The following PTPRE variants were observed in gnomAD, a reference collection of about 807,000 sequenced individuals.
PTPRE encodes protein tyrosine phosphatase receptor type E, also known as receptor-type tyrosine-protein phosphatase epsilon.
In PTPRE, 51 loss-of-function variants were observed where a neutral mutation model predicts 102.0. That is an observed-to-expected ratio of 0.50 (90% CI 0.40 to 0.63). The LOEUF is 0.63. Among genes scored for constraint, PTPRE ranks in the 30% least tolerant of loss-of-function variants. The pLI is 0.00. For missense variants in PTPRE, 752 were observed against 915.1 expected (o/e 0.82, Z 2.30); for synonymous variants, 345 against 348.2 (o/e 0.99, Z 0.10).
At chr10:127,988,998 C>T (rs747378007) in intron 2 of PTPRE, among the ~76,000 whole-genome samples, 1 of 151,988 alleles carries the variant, frequency 6.6e-6, no homozygotes, top group Non-Finnish European at 1.5e-5. Context: ...AGCAAAAAAA[C>T]GAAAACTGGA....
chr10:127,934,934 G>A (rs1449699699), intron 1 of PTPRE: 1 of 152,374 alleles, frequency 6.6e-6, no homozygotes, highest in African/African-American at 2.4e-5. Flanking sequence ...AGCCTGTGAA[G>A]AAAGGGCTGC....
In PTPRE at chr10:128,008,654, G is replaced by A. The variant is rs560391534; in HGVS notation, c.-8+26358G>A. Among the ~76,000 whole-genome samples, 8 of 152,282 alleles carry A rather than the reference G, an allele frequency of 5.3e-5. 1 individual carries two copies. The highest frequency in any genetic ancestry group is 1.3e-4 in the Admixed American group (2 of 15,298). On this transcript the variant is annotated intron_variant, in intron 2 of 20. Coordinates refer to ENST00000254667, the MANE Select transcript of PTPRE (RefSeq NM_006504.6). This position sits in a 1 kb window ranked among gnomAD's most constrained non-coding sequence, Gnocchi z 4.0. ...GTCTTTCTCAACTCCTGCAAGTCAC[G>A]TCTTCCCAGAATCTACTGTGGTAAT...
At chr10:127,994,571 G>T (rs1163436629) in intron 2 of PTPRE, among the ~76,000 whole-genome samples, 1 of 152,174 alleles carries the variant, frequency 6.6e-6, no homozygotes, top group Non-Finnish European at 1.5e-5. Flanking sequence ...ACGTGACTTT[G>T]TATCCTTTTA....
At chr10:127,910,860 G>C (rs1329664533) in intron 1 of PTPRE, among the ~76,000 whole-genome samples, 1 of 152,080 alleles carries the variant, frequency 6.6e-6, no homozygotes, top group African/African-American at 2.4e-5. Flanking sequence ...GAAGCACGCA[G>C]ATCACTTGAG....
chr10:128,051,129 C>G (rs1848532901), intron 6 of PTPRE, among the ~76,000 whole-genome samples: 2 of 152,176 alleles, frequency 1.3e-5, no homozygotes, highest in South Asian at 2.1e-4. Context: ...GCTAGCAGAT[C>G]CCCTCCCCCA....
chr10:127,976,757 G>C (rs969967398), intron 1 of PTPRE, among the ~76,000 whole-genome samples: 1 of 152,170 alleles, frequency 6.6e-6, no homozygotes, highest in Non-Finnish European at 1.5e-5. Context: ...AGCTCCTTCT[G>C]TCCTGTCTTT....
chr10:127,923,472 C>T (rs147216559), intron 1 of PTPRE, among the ~76,000 whole-genome samples: 1 of 144,260 alleles, frequency 6.9e-6, no homozygotes, highest in African/African-American at 2.6e-5. Context: ...GGCACGAACT[C>T]GGCTCACCGC....
At chr10:128,025,548 G>A (rs1846231604) in intron 2 of PTPRE, among the ~76,000 whole-genome samples, 1 of 152,172 alleles carries the variant, frequency 6.6e-6, no homozygotes. Flanking sequence ...GTAGGCCTGG[G>A]CGTCAGAGCC....
rs111930889 is a variant in PTPRE, at chr10:127,969,654, G to A, written c.-30-12620G>A. ...CTGCACTCCACCCTGGCAACAGAGC[G>A]ATACTCTGCCTAAAAAGAAAAAAAA... On this transcript the variant is annotated intron_variant, in intron 1 of 20. Coordinates refer to ENST00000254667, the MANE Select transcript of PTPRE (RefSeq NM_006504.6). Among the ~76,000 whole-genome samples the A allele has an allele frequency of 7.7e-3, 1,003 of 130,380 alleles. 11 individuals are homozygous for A. The highest frequency in any genetic ancestry group is 0.027 in the African/African-American group (947 of 34,920). The allele number at this position is 130,380 out of a possible 152,430, so 85.5% of individuals were successfully genotyped here. A position where few individuals can be genotyped will look rare whatever the true frequency, so the allele number is the denominator to read the frequency against.
At chr10:128,009,400 T>C (rs1414725024) in intron 2 of PTPRE, among the ~76,000 whole-genome samples, 1 of 152,240 alleles carries the variant, frequency 6.6e-6, no homozygotes, top group Non-Finnish European at 1.5e-5. Context: ...TGTTTTCTTG[T>C]GTTCGTGAAC....
intron 2 of PTPRE, among the ~76,000 whole-genome samples, chr10:128,012,168 T>TA (rs1845073225): frequency 6.6e-6 from 1 of 151,776 alleles, no homozygotes; most frequent in Non-Finnish European, 1.5e-5. Flanking sequence ...GTGACAAGAT[T>TA]GTGAGCCCAG....
chr10:127,945,485 T>C (rs773500121), intron 1 of PTPRE, among the ~76,000 whole-genome samples: 36 of 152,176 alleles, frequency 2.4e-4, no homozygotes, highest in Non-Finnish European at 2.8e-4. Flanking sequence ...TCAGAACAAA[T>C]GTCACAAACA....
intron 1 of PTPRE, among the ~76,000 whole-genome samples, chr10:127,932,225 A>G (rs1847497782): frequency 6.6e-6 from 1 of 151,988 alleles, no homozygotes; most frequent in African/African-American, 2.4e-5. Context: ...TTACACGCAA[A>G]GTCTATATTG....
At chr10:128,020,782 G>T (rs1433372468) in intron 2 of PTPRE, among the ~76,000 whole-genome samples, 2 of 152,342 alleles carry the variant, frequency 1.3e-5, no homozygotes, top group South Asian at 2.1e-4. Flanking sequence ...TCCTGAGCGG[G>T]CAGTGGGTTT....
At chr10:127,919,010 G>C (rs1233582168) in intron 1 of PTPRE, among the ~76,000 whole-genome samples, 2 of 152,150 alleles carry the variant, frequency 1.3e-5, no homozygotes, top group Non-Finnish European at 2.9e-5. Flanking sequence ...TATTATAGGA[G>C]TTGTAGGTGT....
chr10:127,983,241 A>G (rs1476467824), intron 2 of PTPRE, among the ~76,000 whole-genome samples: 1 of 152,124 alleles, frequency 6.6e-6, no homozygotes, highest in Non-Finnish European at 1.5e-5. Flanking sequence ...GACTGTGTGG[A>G]TTGTTTCTTT....
chr10:128,049,990 G>A (rs72847382), intron 6 of PTPRE, among the ~76,000 whole-genome samples: 110 of 152,258 alleles, frequency 7.2e-4, no homozygotes, highest in Admixed American at 1.4e-3. Context: ...ACCTGAGCGC[G>A]GCACGGTATG....
At chr10:127,952,217 G>T (rs1818732465) in intron 1 of PTPRE, among the ~76,000 whole-genome samples, 1 of 152,162 alleles carries the variant, frequency 6.6e-6, no homozygotes, top group African/African-American at 2.4e-5. Context: ...TATGTATACA[G>T]TGATCCATTT....
At chr10:127,921,660 A>C (rs1236794708) in intron 1 of PTPRE, among the ~76,000 whole-genome samples, 1 of 152,192 alleles carries the variant, frequency 6.6e-6, no homozygotes, top group African/African-American at 2.4e-5. Flanking sequence ...GCTGTGCCTC[A>C]GAGTCACAGG....
Sources: gnomAD v4.1 joint callset for allele counts (sites outside exome capture counted in the v4.1 genomes callset) on GRCh38, gnomAD v4.1.1 for gene constraint, Gnocchi (gnomAD v3.1) non-coding constraint, MANE v1.5 for transcripts, NCBI Gene and HGNC (gene_info 2026-07-23, HGNC 2026-07-21) for gene names.